CSRNP3: variants seen among roughly 807,000 people sequenced by gnomAD.
The protein encoded by CSRNP3 is cysteine/serine-rich nuclear protein 3.
CSRNP3 carries 12 observed loss-of-function variants against 48.0 expected under a neutral mutation model. The observed-to-expected ratio is 0.25, with a 90% CI of 0.16 to 0.41. The LOEUF (loss-of-function observed/expected upper bound fraction) is 0.41, where lower values mean the gene tolerates loss of function less well. CSRNP3 is among the 10% of genes least tolerant of loss of function. CSRNP3 has a pLI of 1.00. For synonymous variants in CSRNP3, 263 were observed against 269.7 expected (o/e 0.98, Z 0.24); for missense variants, 580 against 724.4 (o/e 0.80, Z 2.29).
rs71028497 is a variant in CSRNP3 at position 165,653,972 on chromosome 2, C to CAAAAAAAAAAAAAAAAAAAAAA, written c.149-3774_149-3753dup. Among the ~76,000 whole-genome samples, 5 of 41,204 alleles carry CAAAAAAAAAAAAAAAAAAAAAA rather than the reference C, an allele frequency of 1.2e-4. 1 individual carries two copies. The highest frequency in any genetic ancestry group is 5.0e-4 in the African/African-American group (5 of 10,098). 27.0% of individuals were successfully genotyped at this position (41,204 alleles called of 152,430 possible). A position where few individuals can be genotyped will look rare whatever the true frequency, so the allele number is the denominator to read the frequency against. On this transcript the variant is annotated intron_variant, in intron 4 of 6. Coordinates refer to ENST00000651982, the MANE Select transcript of CSRNP3 (RefSeq NM_001172173.2). ...GGGCAACAAGAGCGAAGCTCTATCA[C>CAAAAAAAAAAAAAAAAAAAAAA]AAAAAAAAAAAAAAAAAAAAAAAAA...
In CSRNP3 at chr2:165,679,417, G is replaced by A. The variant is rs189074432; in HGVS notation, c.1422G>A (p.Pro474=). 182 of 1,612,814 alleles carry A rather than the reference G, an allele frequency of 1.1e-4. 1 individual carries two copies. Among genetic ancestry groups the A allele is most frequent in the South Asian group, 1.1e-3 (102 of 91,026 alleles). ...TLSLVPYTMT[P]EQFVDYARQA... is the part of the protein sequence containing the mutation. ...CGCTGGTGCCTTACACCATGACCCC[G>A]GAGCAATTCGTTGACTATGCCCGAC... Residue 474 remains proline (P), a synonymous_variant, in exon 7 of 7, where the codon CCG becomes CCA. Coordinates refer to ENST00000651982, the MANE Select transcript of CSRNP3 (RefSeq NM_001172173.2).
chr2:165,629,742 C>G (rs1686500646), intron 4 of CSRNP3, among the ~76,000 whole-genome samples: 1 of 152,194 alleles, frequency 6.6e-6, no homozygotes. Context: ...TGTTAAACCC[C>G]AGAACCATCA....
intron 3 of CSRNP3, among the ~76,000 whole-genome samples, chr2:165,556,579 A>T (rs1685163725): frequency 6.6e-6 from 1 of 152,170 alleles, no homozygotes; most frequent in Admixed American, 6.5e-5. Flanking sequence ...ACCAAGAATC[A>T]AAAGTCAGAG....
chr2:165,475,280 C>A (rs955446921), intron 1 of CSRNP3, among the ~76,000 whole-genome samples: 4 of 152,174 alleles, frequency 2.6e-5, no homozygotes, highest in Non-Finnish European at 5.9e-5. Flanking sequence ...TGATTTGCCC[C>A]CTGTGCATCC....
At chr2:165,568,522 T>C (rs991384088) in intron 3 of CSRNP3, among the ~76,000 whole-genome samples, 3 of 152,108 alleles carry the variant, frequency 2.0e-5, no homozygotes, top group African/African-American at 7.2e-5. Context: ...CTATATGTGA[T>C]TTCTCCAGCA....
chr2:165,564,867 C>T (rs1300512011), intron 3 of CSRNP3, among the ~76,000 whole-genome samples: 1 of 151,920 alleles, frequency 6.6e-6, no homozygotes, highest in African/African-American at 2.4e-5. Flanking sequence ...TTTAAAACTG[C>T]ATTCTTCTTG....
intron 4 of CSRNP3, among the ~76,000 whole-genome samples, chr2:165,610,516 TAGTC>T (rs1686118484): frequency 6.6e-6 from 1 of 152,358 alleles, no homozygotes; most frequent in Non-Finnish European, 1.5e-5. Flanking sequence ...CCATGGCTAA[TAGTC>T]AGAACTTTGG....
At chr2:165,678,418 A>T (rs1687465025) in intron 6 of CSRNP3, among the ~76,000 whole-genome samples, 1 of 152,136 alleles carries the variant, frequency 6.6e-6, no homozygotes. Context: ...GAATACAGAA[A>T]AAAGGGTAGA....
rs575641527 is a variant in CSRNP3 at position 165,471,352 on chromosome 2, C to G, written c.-283+1612C>G. On this transcript the variant is annotated intron_variant, in intron 1 of 6. Coordinates refer to ENST00000651982, the MANE Select transcript of CSRNP3 (RefSeq NM_001172173.2). ...AAGCAAAACAATGGTTGAAATTAATCCACCCCTCACCCCAAGATTGAAATT... is the reference window on the plus strand; with the variant it reads ...AAGCAAAACAATGGTTGAAATTAATGCACCCCTCACCCCAAGATTGAAATT... Among the ~76,000 whole-genome samples the G allele has an allele frequency of 1.9e-3, 287 of 151,772 alleles. 4 individuals are homozygous for G. Among genetic ancestry groups the G allele is most frequent in the Non-Finnish European group, 6.0e-4 (41 of 67,854 alleles).
At position 165,485,029 on chromosome 2, in the gene CSRNP3, T is replaced by C. The variant is rs191695779; in HGVS notation, c.-282-9730T>C. Among the ~76,000 whole-genome samples, 40 of 152,366 alleles carry C rather than the reference T, an allele frequency of 2.6e-4. No individual in the cohort carries two copies. In the East Asian group the frequency reaches 6.2e-3, roughly 23 times the overall value. ...GATTATTCTGTGTCTTAATCAGTTC[T>C]GGTTACCACAACAAAATATCATAGA... is the stretch of plus-strand genomic sequence containing the variant. On this transcript the variant is annotated intron_variant, in intron 1 of 6. Transcript: ENST00000651982.
intron 4 of CSRNP3, among the ~76,000 whole-genome samples, chr2:165,603,044 T>TA (rs1685943110): frequency 6.6e-6 from 1 of 152,046 alleles, no homozygotes; most frequent in Non-Finnish European, 1.5e-5. Context: ...TACAGGCACC[T>TA]GCCATCGTGC....
chr2:165,475,952 G>T (rs1283150941), intron 1 of CSRNP3, among the ~76,000 whole-genome samples: 1 of 152,170 alleles, frequency 6.6e-6, no homozygotes, highest in East Asian at 1.9e-4. Context: ...CACACACACA[G>T]ATTATCATAT....
In CSRNP3 at chr2:165,676,375, G is replaced by A. The variant is rs1280594337; in HGVS notation, c.472G>A (p.Asp158Asn). Residue 158 changes from aspartate to asparagine, a missense_variant, in exon 6 of 7, where the codon GAT (aspartate) becomes AAT (asparagine). Physicochemically the swap from Asp to Asn is conservative, Grantham distance 23. Transcript: ENST00000651982. ...CACTCTTACACTGGATGACATTTCT[G>A]ATGATGACATTGACCTGGACAACAC... is the stretch of plus-strand genomic sequence containing the variant. The part of the protein sequence containing the change: ...ASTLTLDDIS[D>N]DDIDLDNTEV... 1.5e-5 allele frequency: 24 copies of A among 1,613,930 alleles called. No individual in the cohort carries two copies. Among genetic ancestry groups the A allele is most frequent in the Non-Finnish European group, 1.9e-5 (22 of 1,179,910 alleles).
At chr2:165,648,111 AT>A (rs918645630) in intron 4 of CSRNP3, among the ~76,000 whole-genome samples, 69 of 152,226 alleles carry the variant, frequency 4.5e-4, no homozygotes, top group African/African-American at 9.4e-4. Flanking sequence ...TTAATATATA[AT>A]TTTTTTAAGT....
At chr2:165,520,335 A>G (rs1684634535) in intron 3 of CSRNP3, among the ~76,000 whole-genome samples, 1 of 152,128 alleles carries the variant, frequency 6.6e-6, no homozygotes, top group Admixed American at 6.6e-5. Context: ...TTTTCTTGCA[A>G]TCCATCTATA....
At chr2:165,547,788 G>A (rs539549262) in intron 3 of CSRNP3, among the ~76,000 whole-genome samples, 1 of 152,014 alleles carries the variant, frequency 6.6e-6, no homozygotes, top group Admixed American at 6.6e-5. Flanking sequence ...GTAAGAAAAA[G>A]GATTCAGATT....
chr2:165,678,345 G>A (rs1472897832), intron 6 of CSRNP3, among the ~76,000 whole-genome samples: 1 of 152,072 alleles, frequency 6.6e-6, no homozygotes, highest in Non-Finnish European at 1.5e-5. Flanking sequence ...GAACTTGGGG[G>A]AAAGACAGGA....
chr2:165,566,516 G>A (rs1685299973), intron 3 of CSRNP3, among the ~76,000 whole-genome samples: 2 of 151,620 alleles, frequency 1.3e-5, no homozygotes, highest in South Asian at 4.2e-4. Context: ...GATAGTAAAA[G>A]TAGCTACCTC....
In CSRNP3 at chr2:165,679,202, G is replaced by C. The variant is rs750565651; in HGVS notation, c.1207G>C (p.Val403Leu). Residue 403 changes from valine to leucine, a missense_variant, in exon 7 of 7, where the codon GTT becomes CTT. Val to Leu is a conservative substitution (Grantham distance 32). Coordinates refer to ENST00000651982, the MANE Select transcript of CSRNP3 (RefSeq NM_001172173.2). The part of the protein sequence containing the change: ...FVEGLGTHAE[V>L]VPLPSVLCYS... ...GGAAGGTTTGGGCACCCATGCCGAA[G>C]TTGTCCCTCTTCCTTCAGTTCTTTG... The C allele has an allele frequency of 5.6e-6, 9 of 1,613,800 alleles. No individual in the cohort carries two copies. In the Admixed American group the frequency reaches 1.3e-4, roughly 24 times the overall value.
Sources: gnomAD v4.1 joint callset for allele counts (sites outside exome capture counted in the v4.1 genomes callset) on GRCh38, gnomAD v4.1.1 for gene constraint, MANE v1.5 for transcripts, NCBI Gene and HGNC (gene_info 2026-07-23, HGNC 2026-07-21) for gene names.